CTNND2: variants seen among roughly 807,000 people sequenced by gnomAD.
CTNND2 encodes the protein catenin delta 2.
CTNND2 carries 22 observed loss-of-function variants against 144.4 expected under a neutral mutation model. That is an observed-to-expected ratio of 0.15 (90% CI 0.11 to 0.22). The LOEUF is 0.22. Among genes scored for constraint, CTNND2 ranks in the 10% least tolerant of loss-of-function variants. The pLI is 1.00. For synonymous variants in CTNND2, 751 were observed against 695.6 expected, an observed-to-expected ratio of 1.08 and a Z score of -1.25; for missense variants, 1,353 against 1,618.8, an observed-to-expected ratio of 0.84 and a Z score of 2.82.
intron 2 of CTNND2, among the ~76,000 whole-genome samples, chr5:11,730,737 C>G (rs1282221362): frequency 6.6e-6 from 1 of 152,210 alleles, no homozygotes. Context: ...AACAGAGGAG[C>G]ATGCCATGCC....
intron 9 of CTNND2, among the ~76,000 whole-genome samples, chr5:11,315,083 A>C (rs1401827320): frequency 6.8e-6 from 1 of 147,324 alleles, no homozygotes; most frequent in African/African-American, 2.4e-5. Flanking sequence ...TTTTTAAATT[A>C]AGCTATGCTA....
chr5:11,526,382 T>C (rs889964981), intron 3 of CTNND2, among the ~76,000 whole-genome samples: 1 of 152,178 alleles, frequency 6.6e-6, no homozygotes, highest in African/African-American at 2.4e-5. Flanking sequence ...ATTGGTTCTG[T>C]CATATGTTGT....
At chr5:11,754,628 C>CTGGGTGCTCCTGTCT (rs1266866433) in intron 1 of CTNND2, among the ~76,000 whole-genome samples, 1 of 151,788 alleles carries the variant, frequency 6.6e-6, no homozygotes, top group Non-Finnish European at 1.5e-5. Context: ...TTTTATGAAT[C>CTGGGTGCTCCTGTCT]TGGGTGCTCC....
rs563182998 is a variant in CTNND2, at chr5:11,728,465, G to A, written c.174+3671C>T. On this transcript the variant is annotated intron_variant, in intron 2 of 21. Transcript: ENST00000304623. ...CGCACTCTAGCCTGGGCGACAGAGCGACACTCCATCTCAAAAACAAAACAA... is the reference window on the plus strand; with the variant it reads ...CGCACTCTAGCCTGGGCGACAGAGCAACACTCCATCTCAAAAACAAAACAA... 1.5e-3 allele frequency among the ~76,000 whole-genome samples: 232 copies of A among 152,214 alleles called. 1 individual carries two copies. Among genetic ancestry groups the A allele is most frequent in the African/African-American group, 5.0e-3 (206 of 41,526 alleles).
At chr5:11,629,378 T>C (rs183280783) in intron 2 of CTNND2, among the ~76,000 whole-genome samples, 66 of 152,304 alleles carry the variant, frequency 4.3e-4, no homozygotes, top group Middle Eastern at 3.4e-3. Context: ...ACAGCTGTTT[T>C]CTACAGGTGG....
intron 9 of CTNND2, among the ~76,000 whole-genome samples, chr5:11,249,828 C>A: frequency 6.6e-6 from 1 of 151,052 alleles, no homozygotes; most frequent in Admixed American, 6.6e-5. Context: ...TTAATTAGAT[C>A]TACAGTCATT....
intron 3 of CTNND2, among the ~76,000 whole-genome samples, chr5:11,557,851 G>T (rs1309432545): frequency 6.6e-6 from 1 of 152,166 alleles, no homozygotes; most frequent in African/African-American, 2.4e-5. Flanking sequence ...TTGGAACCAT[G>T]CTGGGAATGA....
intron 2 of CTNND2, among the ~76,000 whole-genome samples, chr5:11,575,165 C>T (rs1777880935): frequency 6.6e-6 from 1 of 152,218 alleles, no homozygotes; most frequent in South Asian, 2.1e-4. Context: ...ACATTCCTGT[C>T]TCCTCTCCTG....
chr5:11,536,272 C>A (rs1401699651), intron 3 of CTNND2, among the ~76,000 whole-genome samples: 1 of 152,082 alleles, frequency 6.6e-6, no homozygotes, highest in African/African-American at 2.4e-5. Context: ...CTATGTTACC[C>A]AGGCTGGTCT....
intron 10 of CTNND2, among the ~76,000 whole-genome samples, chr5:11,233,151 T>C (rs1459692752): frequency 6.6e-6 from 1 of 152,178 alleles, no homozygotes; most frequent in East Asian, 1.9e-4. Flanking sequence ...AGCATGAGAA[T>C]GGACTAATAC....
At chr5:11,146,606 G>A (rs888064566) in intron 12 of CTNND2, among the ~76,000 whole-genome samples, 3 of 152,200 alleles carry the variant, frequency 2.0e-5, no homozygotes, top group African/African-American at 4.8e-5. Flanking sequence ...AAGCACTAGA[G>A]TGATATTATT....
rs529984803 is a variant in CTNND2 at position 11,159,300 on chromosome 5, T to C, written c.2159+276A>G. ...TTGTTTTCGGCCAAAGAAAATGACTTATTTTGGGTTGGAATAAAAATGTTT... is the reference window on the plus strand; with the variant it reads ...TTGTTTTCGGCCAAAGAAAATGACTCATTTTGGGTTGGAATAAAAATGTTT... On this transcript the variant is annotated intron_variant, in intron 12 of 21. Transcript: ENST00000304623. Among the ~76,000 whole-genome samples, 11 of 152,344 alleles carry C rather than the reference T, an allele frequency of 7.2e-5. No individual in the cohort carries two copies. In the South Asian group the frequency reaches 2.1e-3, roughly 29 times the overall value.
intron 3 of CTNND2, among the ~76,000 whole-genome samples, chr5:11,553,662 CA>C (rs1775969711): frequency 6.6e-6 from 1 of 152,046 alleles, no homozygotes; most frequent in South Asian, 2.1e-4. Flanking sequence ...TATGGAATTA[CA>C]AACTCCATGT....
At chr5:11,083,244 G>C (rs1017559159) in intron 15 of CTNND2, among the ~76,000 whole-genome samples, 1 of 152,222 alleles carries the variant, frequency 6.6e-6, no homozygotes, top group African/African-American at 2.4e-5. Flanking sequence ...AATGGGTTGT[G>C]TGGGAGTGAT....
At chr5:11,063,109 T>C (rs982307731) in intron 16 of CTNND2, among the ~76,000 whole-genome samples, 3 of 152,112 alleles carry the variant, frequency 2.0e-5, no homozygotes, top group Non-Finnish European at 4.4e-5. Context: ...CATCAATGCA[T>C]AAGAAGTTCA....
At chr5:11,640,416 T>C (rs1781940290) in intron 2 of CTNND2, among the ~76,000 whole-genome samples, 1 of 152,204 alleles carries the variant, frequency 6.6e-6, no homozygotes, top group African/African-American at 2.4e-5. Context: ...CAATTAAGAA[T>C]TCCCTAAGGT....
chr5:11,141,289 C>A (rs1412603765), intron 12 of CTNND2, among the ~76,000 whole-genome samples: 1 of 151,630 alleles, frequency 6.6e-6, no homozygotes, highest in African/African-American at 2.4e-5. Context: ...CATATAAGAC[C>A]GTCATTTTTT....
At chr5:11,429,970 G>A (rs1763132227) in intron 3 of CTNND2, among the ~76,000 whole-genome samples, 1 of 151,990 alleles carries the variant, frequency 6.6e-6, no homozygotes, top group African/African-American at 2.4e-5. Context: ...AAAATAAAGG[G>A]GCCAGGTGCA....
At position 11,412,067 on chromosome 5, in the gene CTNND2, G is replaced by T; in HGVS notation, c.290C>A (p.Ser97Ter). 1 of 1,610,208 alleles carries T rather than the reference G, an allele frequency of 6.2e-7. No individual in the cohort carries two copies. The highest frequency in any genetic ancestry group is 8.5e-7 in the Non-Finnish European group (1 of 1,176,808). The change falls in exon 4 of 22, where the codon TCA becomes TAA. Residue 97 changes from serine to a stop codon, truncating the protein, a stop_gained and splice_region_variant. Transcript: ENST00000304623. LOFTEE classifies it high-confidence loss of function. ...SETGSMSSMS[S>*]AEEQFQWQSQ... ...CTGCCACTGAAACTGCTCTTCTGCT[G>T]AACTGTAAAAAAGAAAATACAGAGA...
Sources: allele counts gnomAD v4.1 joint callset (sites outside exome capture counted in the v4.1 genomes callset), GRCh38; gene constraint gnomAD v4.1.1; transcripts MANE v1.5; gene names NCBI Gene and HGNC (gene_info 2026-07-23, HGNC 2026-07-21).